Variants in SLC25A29 observed in about 807,000 individuals in gnomAD.
SLC25A29 encodes solute carrier family 25 member 29, also known as mitochondrial basic amino acids transporter.
SLC25A29 carries 13 observed loss-of-function variants against 10.0 expected under a neutral mutation model. The observed-to-expected ratio is 1.30, with a 90% CI of 0.85 to 2.07. SLC25A29 has a LOEUF of 2.07. SLC25A29 is among the 30% of genes most tolerant of loss of function. The pLI, the probability that SLC25A29 is intolerant of heterozygous loss-of-function variation, is 0.00. For missense variants in SLC25A29, 475 were observed against 447.6 expected (o/e 1.06, Z -0.55); for synonymous variants, 244 against 221.1 (o/e 1.10, Z -0.92).
At position 100,296,415 on chromosome 14, in the gene SLC25A29, C is replaced by G. The variant is rs1482307798; in HGVS notation, c.78+2427G>C. 2.2e-5 allele frequency: 4 copies of G among 182,580 alleles called. No individual in the cohort carries two copies. The East Asian group carries it at 5.6e-4, about 26-fold the overall frequency. 11.3% of individuals were successfully genotyped at this position (182,580 alleles called of 1,614,324 possible). On this transcript the variant is annotated intron_variant, in intron 2 of 3. Transcript: ENST00000359232. ...CTGCACTCCACCTAGGGTGACAGAGCAAGACCGTGTCTCAAAAAAAAAGGA... is the reference window on the plus strand; with the variant it reads ...CTGCACTCCACCTAGGGTGACAGAGGAAGACCGTGTCTCAAAAAAAAAGGA...
the SLC25A29 span, chr14:100,280,758 TC>T: frequency 6.6e-6 from 1 of 152,216 alleles, no homozygotes; most frequent in African/African-American, 2.4e-5. Flanking sequence ...GAGAGTCACT[TC>T]CAGTCGGGGG....
intron 1 of SLC25A29, among the ~76,000 whole-genome samples, chr14:100,301,381 G>T (rs1029762398): frequency 6.6e-6 from 1 of 151,808 alleles, no homozygotes; most frequent in African/African-American, 2.4e-5. Flanking sequence ...GGCCAGGCTG[G>T]TCTAAAACTC....
At chr14:100,281,520 G>A in the SLC25A29 span, 2 of 152,212 alleles carry the variant, frequency 1.3e-5, no homozygotes, top group Non-Finnish European at 2.9e-5. Context: ...AGGCCCAGCA[G>A]GTCCTGGCAA....
chr14:100,300,682 G>C (rs1487130787), intron 1 of SLC25A29, among the ~76,000 whole-genome samples: 4 of 151,840 alleles, frequency 2.6e-5, no homozygotes, highest in African/African-American at 9.7e-5. Context: ...CCAATGTGTA[G>C]TTTTGAACCT....
chr14:100,306,203 C>G lies in SLC25A29; in HGVS notation c.30G>C (p.Ala10=), dbSNP rs1035327321. The change falls in exon 1 of 4, where the codon GCG becomes GCC. Residue 10 remains alanine, a synonymous_variant. Coordinates refer to ENST00000359232, the MANE Select transcript of SLC25A29 (RefSeq NM_001039355.3). ...CCCGGCCCGCCGCCTCCTTACCCCC[C>G]GCGCATCCAGCCAAGAAGTCCAGCG... is the stretch of plus-strand genomic sequence containing the variant. MALDFLAGC[A]GGVAGVLVGH... is the part of the protein sequence containing the mutation. 2.0e-6 allele frequency: 3 copies of G among 1,510,082 alleles called. No individual in the cohort carries two copies. The highest frequency in any genetic ancestry group is 1.4e-5 in the African/African-American group (1 of 69,422). The allele number at this position is 1,510,082 out of a possible 1,614,324, so 93.5% of individuals were successfully genotyped here. A position where few individuals can be genotyped will look rare whatever the true frequency, so the allele number is the denominator to read the frequency against.
chr14:100,292,943 G>T lies in SLC25A29; in HGVS notation c.252C>A (p.Leu84=). The change falls in exon 4 of 4, where the codon CTC becomes CTA. Residue 84 remains leucine, a synonymous_variant. Transcript: ENST00000359232. ...ALVFGVQGNT[L]RALGHDSPLN... ...GGGGCGAGTCGTGGCCCAGGGCCCG[G>T]AGGGTGTTGCCCTGCACCCCGAACA... The T allele has an allele frequency of 1.2e-6, 2 of 1,606,680 alleles. No homozygotes were observed. Among genetic ancestry groups the T allele is most frequent in the East Asian group, 2.2e-5 (1 of 44,668 alleles).
rs1892568710 is a variant in SLC25A29 at position 100,301,771 on chromosome 14, A to T, written c.35-2886T>A. Among the ~76,000 whole-genome samples, 4 of 151,924 alleles carry T rather than the reference A, an allele frequency of 2.6e-5. No individual in the cohort carries two copies. The South Asian group carries it at 8.3e-4, about 32-fold the overall frequency. ...GTGATCCACCCGCCTCGGCCACCCA[A>T]AGTGCTGGGATTACAGGTGTGAGCC... On this transcript the variant is annotated intron_variant, in intron 1 of 3. Transcript: ENST00000359232.
downstream of SLC25A29, among the ~76,000 whole-genome samples, chr14:100,287,437 T>TG (rs1225893094): frequency 6.6e-6 from 1 of 152,128 alleles, no homozygotes; most frequent in African/African-American, 2.4e-5. Context: ...ACAAATGCCT[T>TG]GGCAGTGCCG....
chr14:100,301,039 A>T (rs1036599307), intron 1 of SLC25A29, among the ~76,000 whole-genome samples: 4 of 151,932 alleles, frequency 2.6e-5, no homozygotes, highest in African/African-American at 9.7e-5. Context: ...AGCTGGGACT[A>T]CAGGCGCCCG....
rs1444339581 is a variant in SLC25A29 at position 100,293,390 on chromosome 14, G to T, written c.79-13C>A. On this transcript the variant is annotated splice_polypyrimidine_tract_variant and intron_variant, in intron 2 of 3. Transcript: ENST00000359232. ...CCTGAAGCCGTACCTGGAAGGAGAG[G>T]GTCCAGTGAGAGGCAGGCAGGCAGG... 1 of 1,611,540 alleles carries T rather than the reference G, an allele frequency of 6.2e-7. No homozygotes were observed. Among genetic ancestry groups the T allele is most frequent in the Non-Finnish European group, 8.5e-7 (1 of 1,179,170 alleles).
At position 100,292,504 on chromosome 14, in the gene SLC25A29, T is replaced by A; in HGVS notation, c.691A>T (p.Ile231Phe). The stretch of plus-strand genomic sequence containing the variant: ...TAGCTCTGGTGCACGCAGTCCAGGA[T>A]GCCGCGGTAGCGCGGGGCGCCCCGC... Reference protein sequence around the residue: ...GLRGAPRYRGILDCVHQSYRA... With the variant: ...GLRGAPRYRGFLDCVHQSYRA... Residue 231 changes from isoleucine to phenylalanine, a missense_variant, in exon 4 of 4, where the codon ATC becomes TTC. Ile to Phe is a conservative substitution (Grantham distance 21). Transcript: ENST00000359232. The A allele has an allele frequency of 2.5e-6, 4 of 1,588,566 alleles. No individual in the cohort carries two copies. Among genetic ancestry groups the A allele is most frequent in the Non-Finnish European group, 3.4e-6 (4 of 1,169,336 alleles).
intron 1 of SLC25A29, among the ~76,000 whole-genome samples, chr14:100,303,323 C>A (rs1378845777): frequency 1.3e-5 from 2 of 152,254 alleles, no homozygotes; most frequent in Non-Finnish European, 2.9e-5. Context: ...CCTCCATGTC[C>A]CTTGAAGCTA....
the SLC25A29 span, among the ~76,000 whole-genome samples, chr14:100,285,383 C>T: frequency 6.6e-6 from 1 of 151,864 alleles, no homozygotes; most frequent in East Asian, 1.9e-4. Flanking sequence ...TGCGCCTGGG[C>T]CCCCACCCGC....
rs753933367 is a variant in SLC25A29 at position 100,292,812 on chromosome 14, G to A, written c.383C>T (p.Ala128Val). 21 of 1,590,398 alleles carry A rather than the reference G, an allele frequency of 1.3e-5. No individual in the cohort carries two copies. The highest frequency in any genetic ancestry group is 2.3e-5 in the East Asian group (1 of 43,666). Residue 128 changes from alanine to valine, a missense_variant, in exon 4 of 4, where the codon GCG becomes GTG. Physicochemically the swap from Ala to Val is moderately conservative, Grantham distance 64 (BLOSUM62 0). Coordinates refer to ENST00000359232, the MANE Select transcript of SLC25A29 (RefSeq NM_001039355.3). ...GTCCAGCGAGCCCTTGTAGGTGCGCGCTGGGCCCGCGTCCTGCAGCTGCAG... is the reference window on the plus strand; with the variant it reads ...GTCCAGCGAGCCCTTGTAGGTGCGCACTGGGCCCGCGTCCTGCAGCTGCAG... ...TRLQLQDAGP[A>V]RTYKGSLDCL...
At position 100,292,890 on chromosome 14, in the gene SLC25A29, G is replaced by A. The variant is rs765370572; in HGVS notation, c.305C>T (p.Ala102Val). ...PLNQFLAGAA[A>V]GAIQCVICCP... is the part of the protein sequence containing the mutation. Reference sequence around the variant, plus strand: ...GCAGATGACGCACTGGATGGCGCCCGCCGCCGCACCTGCCAGGAACTGGTT... The same window carrying A: ...GCAGATGACGCACTGGATGGCGCCCACCGCCGCACCTGCCAGGAACTGGTT... Residue 102 changes from alanine (A) to valine (V), a missense_variant, in exon 4 of 4, where the codon GCG becomes GTG. Physicochemically the swap from Ala to Val is moderately conservative, Grantham distance 64. Transcript: ENST00000359232. 4 of 1,604,150 alleles carry A rather than the reference G, an allele frequency of 2.5e-6. No homozygotes were observed. Among genetic ancestry groups the A allele is most frequent in the East Asian group, 2.2e-5 (1 of 44,524 alleles).
At chr14:100,302,084 C>T (rs978426718) in intron 1 of SLC25A29, among the ~76,000 whole-genome samples, 6 of 151,188 alleles carry the variant, frequency 4.0e-5, no homozygotes, top group African/African-American at 1.5e-4. Context: ...CTCACTCTGT[C>T]GCCCAGGCTG....
downstream of SLC25A29, among the ~76,000 whole-genome samples, chr14:100,290,775 C>CCCT (rs1201970952): frequency 2.0e-5 from 3 of 152,230 alleles, no homozygotes; most frequent in Non-Finnish European, 4.4e-5. Context: ...CTCAGACCTC[C>CCCT]CCTCTTCCAG....
At chr14:100,289,986 G>A (rs1346373095), downstream of SLC25A29, among the ~76,000 whole-genome samples, 6 of 152,118 alleles carry the variant, frequency 3.9e-5, no homozygotes, top group South Asian at 2.1e-4. Context: ...GAAGCCCCCC[G>A]CCCCTTCACC....
In SLC25A29 at chr14:100,293,330, C is replaced by A. The variant is rs760139351; in HGVS notation, c.126G>T (p.Thr42=). ...QSVEKPQYRG[T]LHCFKSIIKQ... is the part of the protein sequence containing the mutation. ...TGATGATGGACTTGAAGCAGTGCAA[C>A]GTCCCGCGGTACTGAGGCTTCTCCA... The change falls in exon 3 of 4, where the codon ACG becomes ACT. Residue 42 remains threonine, a synonymous_variant. Transcript: ENST00000359232. 1 of 1,613,462 alleles carries A rather than the reference C, an allele frequency of 6.2e-7. No homozygotes were observed. The highest frequency in any genetic ancestry group is 8.5e-7 in the Non-Finnish European group (1 of 1,180,004).
Sources: gnomAD v4.1 joint callset for allele counts (sites outside exome capture counted in the v4.1 genomes callset) on GRCh38, gnomAD v4.1.1 for gene constraint, MANE v1.5 for transcripts, NCBI Gene and HGNC (gene_info 2026-07-23, HGNC 2026-07-21) for gene names.